Variants in ATM observed in about 807,000 individuals in gnomAD.
The protein encoded by ATM is ATM serine/threonine kinase, also known as serine-protein kinase ATM.
In ATM, 308 loss-of-function variants were observed where a neutral mutation model predicts 387.0. The observed-to-expected ratio is 0.80, with a 90% CI of 0.73 to 0.87. ATM has a LOEUF of 0.87. ATM is among the 40% of genes least tolerant of loss of function. The pLI is 0.00. For synonymous variants in ATM, 1,156 were observed against 1,187.3 expected (o/e 0.97, Z 0.54); for missense variants, 3,312 against 3,560.9 (o/e 0.93, Z 1.78).
rs866338415 is a variant in ATM, at chr11:108,353,895, G to A, written c.8786+15G>A. On this transcript the variant is annotated intron_variant, in intron 60 of 62. Transcript: ENST00000675843. ...GTCTTCAGAAGGTAAGTGATATGAA[G>A]TAAAGGAGGGAAATAATTTTTGATG... 23 of 1,597,648 alleles carry A rather than the reference G, an allele frequency of 1.4e-5. No individual in the cohort carries two copies. Among genetic ancestry groups the A allele is most frequent in the Non-Finnish European group, 1.9e-5 (22 of 1,165,298 alleles).
chr11:108,258,519 AAG>A (rs562413874), intron 15 of ATM, among the ~76,000 whole-genome samples: 11 of 152,330 alleles, frequency 7.2e-5, no homozygotes, highest in African/African-American at 2.6e-4. Flanking sequence ...ATTTGGTAGA[AAG>A]AGTGCTACTG....
At chr11:108,330,118 C>T (rs2086097755) in intron 49 of ATM, 96 bp from the exon 50 acceptor site, 17 of 1,409,876 alleles carry the variant, frequency 1.2e-5, no homozygotes, top group South Asian at 2.5e-5. Context: ...GGATAAAAAC[C>T]CAACTTTTTT....
In ATM at chr11:108,293,321, C is replaced by T. The variant is rs1329153013; in HGVS notation, c.4620C>T (p.Asp1540=). 16 of 1,542,044 alleles carry T rather than the reference C, an allele frequency of 1.0e-5. No homozygotes were observed. The East Asian group carries it at 3.6e-4, about 35-fold the overall frequency. ...EQVEVQKQVL[D]LLKYLVIDNK... ...TTTTAAATTATATTTAGGTATTGGA[C>T]TTGTTGAAATACTTAGTGATAGATA... Residue 1540 remains aspartate (D), a synonymous_variant, in exon 31 of 63, where the codon GAC becomes GAT. Coordinates refer to ENST00000675843, the MANE Select transcript of ATM (RefSeq NM_000051.4).
chr11:108,260,782 C>T (rs746546597), intron 16 of ATM, among the ~76,000 whole-genome samples: 3 of 152,266 alleles, frequency 2.0e-5, no homozygotes, highest in East Asian at 1.9e-4. Flanking sequence ...AGTGGGTGTG[C>T]GCACCGTGCG....
intron 18 of ATM, among the ~76,000 whole-genome samples, chr11:108,269,057 C>G (rs1676295804): frequency 6.6e-6 from 1 of 152,202 alleles, no homozygotes; most frequent in African/African-American, 2.4e-5. Context: ...TCTCTCCACA[C>G]ACACACTCAT....
intron 56 of ATM, among the ~76,000 whole-genome samples, chr11:108,337,989 C>A (rs1418576142): frequency 6.6e-6 from 1 of 152,262 alleles, no homozygotes; most frequent in African/African-American, 2.4e-5. Context: ...GAACTTTCAT[C>A]TCTACCTTAT....
chr11:108,346,299 A>G (rs1377994388), intron 58 of ATM, among the ~76,000 whole-genome samples: 3 of 152,104 alleles, frequency 2.0e-5, no homozygotes, highest in South Asian at 2.1e-4. Flanking sequence ...ACCTCTAAAT[A>G]TCATCACCTA....
rs370974808 is a variant in ATM, at chr11:108,282,809, G to C, written c.3676G>C (p.Asp1226His). The C allele has an allele frequency of 7.7e-6, 12 of 1,567,582 alleles. No individual in the cohort carries two copies. The Middle Eastern group carries it at 5.1e-4, about 66-fold the overall frequency. The part of the protein sequence containing the change: ...YLVLEWLNLQ[D>H]TEYNLSSFPF... ...GGTTTTGGAATGGCTAAATCTTCAAGATACTGAATACAACTTATCTTCTTT... is the reference window on the plus strand; with the variant it reads ...GGTTTTGGAATGGCTAAATCTTCAACATACTGAATACAACTTATCTTCTTT... Residue 1226 changes from aspartate to histidine, a missense_variant, in exon 25 of 63, where the codon GAT becomes CAT. Asp to His is a moderately conservative substitution (Grantham distance 81). Coordinates refer to ENST00000675843, the MANE Select transcript of ATM (RefSeq NM_000051.4).
intron 4 of ATM, among the ~76,000 whole-genome samples, chr11:108,231,936 A>G (rs2079035162): frequency 6.6e-6 from 1 of 152,180 alleles, no homozygotes; most frequent in South Asian, 2.1e-4. Flanking sequence ...TTCTGCACTC[A>G]CTTTTGCTCT....
chr11:108,267,077 T>G, intron 16 of ATM, 94 bp from the exon 17 acceptor site: 7 of 1,273,678 alleles, frequency 5.5e-6, no homozygotes, highest in Non-Finnish European at 6.7e-6. Context: ...ATTACAGATG[T>G]GAGCCACTGT....
At chr11:108,225,571 TC>T (rs1445002781) in intron 1 of ATM, 5 of 152,368 alleles carry the variant, frequency 3.3e-5, no homozygotes, top group Non-Finnish European at 5.9e-5. Flanking sequence ...CCTCCTGGGT[TC>T]AAGTGAGTCT....
intron 61 of ATM, among the ~76,000 whole-genome samples, chr11:108,364,415 G>A (rs775045077): frequency 3.9e-5 from 6 of 152,104 alleles, no homozygotes; most frequent in South Asian, 4.1e-4. Context: ...TAAAATTTAC[G>A]ACCTAAAGCT....
At chr11:108,227,161 C>T (rs954377633) in intron 1 of ATM, 8 of 160,186 alleles carry the variant, frequency 5.0e-5, no homozygotes, top group South Asian at 1.7e-4. Context: ...ATTACAGGCG[C>T]GCGCCACCAA....
At chr11:108,341,274 C>T (rs1034654206) in intron 56 of ATM, among the ~76,000 whole-genome samples, 1 of 152,096 alleles carries the variant, frequency 6.6e-6, no homozygotes, top group Non-Finnish European at 1.5e-5. Flanking sequence ...CCAGTCACTC[C>T]CTTACTTCAT....
At chr11:108,269,022 T>C (rs1013962425) in intron 18 of ATM, among the ~76,000 whole-genome samples, 2 of 152,152 alleles carry the variant, frequency 1.3e-5, no homozygotes, top group African/African-American at 4.8e-5. Context: ...AGTTAACGTT[T>C]TACCATATTT....
chr11:108,300,878 C>CTTTTTT (rs11305754), intron 34 of ATM, among the ~76,000 whole-genome samples: 3 of 102,670 alleles, frequency 2.9e-5, no homozygotes, highest in Admixed American at 1.2e-4. Flanking sequence ...TCATCTCTCT[C>CTTTTTT]TTTTTTTTTT....
chr11:108,335,286 T>G, intron 55 of ATM, 177 bp downstream of exon 55: 1 of 1,515,840 alleles, frequency 6.6e-7, no homozygotes, highest in Non-Finnish European at 8.8e-7. Context: ...CCATTTTTTT[T>G]GTGTCTCTGA....
At chr11:108,328,925 TAA>T (rs1236914266) in intron 48 of ATM, 94 bp from the exon 49 acceptor site, 1 of 1,284,484 alleles carries the variant, frequency 7.8e-7, no homozygotes, top group Admixed American at 2.0e-5. Context: ...TATATGTATA[TAA>T]GTTAAATTTT....
rs372974282 is a variant in ATM at position 108,266,268 on chromosome 11, C to A, written c.2467-903C>A. Among the ~76,000 whole-genome samples, 229 of 150,680 alleles carry A rather than the reference C, an allele frequency of 1.5e-3. 1 individual carries two copies. The highest frequency in any genetic ancestry group is 4.7e-3 in the East Asian group (24 of 5,086). ...AACAATGATAGACTGGATTAAGAAA[C>A]TGTGGCACATATACACCATGGAATA... On this transcript the variant is annotated intron_variant, in intron 16 of 62. Transcript: ENST00000675843.
Sources: gnomAD v4.1 joint callset for allele counts (sites outside exome capture counted in the v4.1 genomes callset) on GRCh38, gnomAD v4.1.1 for gene constraint, MANE v1.5 for transcripts, NCBI Gene and HGNC (gene_info 2026-07-23, HGNC 2026-07-21) for gene names.